Variants in MCC observed in about 807,000 individuals in gnomAD.
MCC encodes the protein MCC regulator of Wnt signaling pathway, also known as colorectal mutant cancer protein.
A neutral mutation model predicts 116.2 loss-of-function variants in MCC; 90 were observed. That is an observed-to-expected ratio of 0.77 (90% CI 0.65 to 0.92). The LOEUF is 0.92. MCC is among the 40% of genes least tolerant of loss of function. The pLI, the probability that MCC is intolerant of heterozygous loss-of-function variation, is 0.00. For missense variants in MCC, 1,516 were observed against 1,312.2 expected (o/e 1.16, Z -2.40); for synonymous variants, 578 against 510.5 (o/e 1.13, Z -1.78).
intron 3 of MCC, among the ~76,000 whole-genome samples, chr5:113,204,871 T>C (rs1222267826): frequency 6.6e-6 from 1 of 152,218 alleles, no homozygotes. Context: ...TACTTTTATA[T>C]CCATCCACTG....
At chr5:113,437,572 G>A (rs1331190849) in intron 1 of MCC, among the ~76,000 whole-genome samples, 2 of 152,198 alleles carry the variant, frequency 1.3e-5, no homozygotes, top group Non-Finnish European at 2.9e-5. Flanking sequence ...CTGGGCAACA[G>A]ATGATACACA....
At chr5:113,085,385 G>T in intron 8 of MCC, 75 bp from the exon 9 acceptor site, 1 of 1,446,946 alleles carries the variant, frequency 6.9e-7, no homozygotes, top group Non-Finnish European at 9.4e-7. Flanking sequence ...TGGGTAGGTG[G>T]TGGGGCTTTC....
intron 3 of MCC, among the ~76,000 whole-genome samples, chr5:113,287,208 C>CT (rs1335508531): frequency 6.6e-6 from 1 of 151,280 alleles, no homozygotes; most frequent in East Asian, 1.9e-4. Context: ...TTTGGCTTGT[C>CT]TGATTTTATA....
At chr5:113,036,317 C>T (rs1751330672) in intron 17 of MCC, among the ~76,000 whole-genome samples, 1 of 152,234 alleles carries the variant, frequency 6.6e-6, no homozygotes, top group Non-Finnish European at 1.5e-5. Context: ...GGATTACAGG[C>T]GTGAGCCACC....
chr5:113,070,276 G>A (rs1000607145), intron 12 of MCC, among the ~76,000 whole-genome samples: 1 of 152,108 alleles, frequency 6.6e-6, no homozygotes, highest in African/African-American at 2.4e-5. Context: ...TGAGGCCTTG[G>A]CAAATACACT....
chr5:113,259,185 T>G (rs764959197), intron 3 of MCC, among the ~76,000 whole-genome samples: 8 of 152,192 alleles, frequency 5.3e-5, no homozygotes, highest in Non-Finnish European at 1.0e-4. Flanking sequence ...GAAAGGTACT[T>G]CTCCAACTTC....
intron 3 of MCC, among the ~76,000 whole-genome samples, chr5:113,170,948 G>C (rs913585645): frequency 2.0e-5 from 3 of 152,178 alleles, no homozygotes; most frequent in African/African-American, 4.8e-5. Context: ...TCTGCATCCA[G>C]AACTGAGACT....
chr5:113,330,089 A>G (rs987187311), intron 3 of MCC, among the ~76,000 whole-genome samples: 4 of 152,216 alleles, frequency 2.6e-5, no homozygotes, highest in African/African-American at 9.6e-5. Context: ...TTTTGTAACA[A>G]ATAGCTGAGT....
rs1039279562 is a variant in MCC, at chr5:113,025,794, C to G, written c.*1508G>C. The G allele has an allele frequency of 1.3e-5, 2 of 152,068 alleles. No individual in the cohort carries two copies. The allele number at this position is 152,068 out of a possible 1,614,324, so 9.4% of individuals were successfully genotyped here. The stretch of plus-strand genomic sequence containing the variant: ...TTTTAGGATACAGCTGTCTGCCCTC[C>G]GAACTGGTGGCTGGAGTATCCTCCA... On this transcript the variant is annotated 3_prime_UTR_variant, in exon 19 of 19. Coordinates refer to ENST00000408903, the MANE Select transcript of MCC (RefSeq NM_001085377.2).
intron 1 of MCC, among the ~76,000 whole-genome samples, chr5:113,402,993 T>C (rs888297327): frequency 1.3e-5 from 2 of 152,100 alleles, no homozygotes; most frequent in Non-Finnish European, 2.9e-5. Context: ...TGCTGCCAAA[T>C]TGCTATAAAA....
intron 11 of MCC, among the ~76,000 whole-genome samples, chr5:113,073,936 G>A (rs1754230427): frequency 6.6e-6 from 1 of 152,232 alleles, no homozygotes; most frequent in Non-Finnish European, 1.5e-5. Context: ...TGCCTCTGTA[G>A]ACTCCACCGC....
At chr5:113,155,856 C>T (rs1046946789) in intron 3 of MCC, among the ~76,000 whole-genome samples, 6 of 152,148 alleles carry the variant, frequency 3.9e-5, no homozygotes, top group Non-Finnish European at 7.3e-5. Flanking sequence ...TTCTGCTCAG[C>T]GAAAATATTC....
chr5:113,449,704 T>C (rs906987488), intron 1 of MCC, among the ~76,000 whole-genome samples: 4 of 152,228 alleles, frequency 2.6e-5, no homozygotes, highest in East Asian at 1.9e-4. Flanking sequence ...CCATGTGTTA[T>C]AGCTGTTACA....
chr5:113,257,847 A>AG, intron 3 of MCC, among the ~76,000 whole-genome samples: 1 of 152,266 alleles, frequency 6.6e-6, no homozygotes, highest in East Asian at 1.9e-4. Flanking sequence ...TTCCCGAGGG[A>AG]GGGGAAAGCG....
intron 1 of MCC, among the ~76,000 whole-genome samples, chr5:113,469,431 T>C (rs1480383579): frequency 2.6e-5 from 4 of 152,254 alleles, no homozygotes; most frequent in African/African-American, 4.8e-5. Flanking sequence ...TGCCTTCATT[T>C]TACTATTTAC....
At chr5:113,239,911 A>C (rs888545444) in intron 3 of MCC, among the ~76,000 whole-genome samples, 6 of 152,166 alleles carry the variant, frequency 3.9e-5, no homozygotes, top group Non-Finnish European at 8.8e-5. Context: ...AACTCCATTT[A>C]GGTGACTGAG....
intron 3 of MCC, among the ~76,000 whole-genome samples, chr5:113,203,503 C>G (rs115946511): frequency 0.015 from 2,263 of 152,032 alleles, 47 homozygotes; most frequent in Non-Finnish European, 0.023. Context: ...TACTCTGTCT[C>G]ACAACCACTT....
At chr5:113,203,668 G>A (rs941751566) in intron 3 of MCC, among the ~76,000 whole-genome samples, 1 of 152,056 alleles carries the variant, frequency 6.6e-6, no homozygotes, top group African/African-American at 2.4e-5. Flanking sequence ...ACCAGGCGCC[G>A]TGCAAGCCAC....
rs757412300 is a variant in MCC, at chr5:113,064,130, G to T, written c.2067C>A (p.Leu689=). 2.5e-6 allele frequency: 4 copies of T among 1,613,532 alleles called. No individual in the cohort carries two copies. Among genetic ancestry groups the T allele is most frequent in the Non-Finnish European group, 2.5e-6 (3 of 1,179,748 alleles). The stretch of plus-strand genomic sequence containing the variant: ...TCTTCCGGCAGTCATGAGCTCGCTT[G>T]AGCATCTGAGTGATGTTTTCATCCC... ...QSGDENITQM[L]KRAHDCRKTA... The change falls in exon 14 of 19, where the codon CTC becomes CTA. Residue 689 remains leucine, a synonymous_variant. Coordinates refer to ENST00000408903, the MANE Select transcript of MCC (RefSeq NM_001085377.2).
Sources: gnomAD v4.1 joint callset for allele counts (sites outside exome capture counted in the v4.1 genomes callset) on GRCh38, gnomAD v4.1.1 for gene constraint, MANE v1.5 for transcripts, NCBI Gene and HGNC (gene_info 2026-07-23, HGNC 2026-07-21) for gene names.